ZC3H12C: variants seen among roughly 807,000 people sequenced by gnomAD.
The protein encoded by ZC3H12C is probable ribonuclease ZC3H12C.
Under a neutral mutation model 76.3 loss-of-function variants are expected in ZC3H12C, and 20 were observed. The observed-to-expected ratio is 0.26, with a 90% CI of 0.18 to 0.38. The LOEUF (loss-of-function observed/expected upper bound fraction) is 0.38, where lower values mean the gene tolerates loss of function less well. ZC3H12C is among the 10% of genes least tolerant of loss of function. The probability of loss-of-function intolerance (pLI) is 1.00; values close to 1 mark genes in which losing one functional copy is unlikely to be tolerated. For synonymous variants in ZC3H12C, 352 were observed against 399.6 expected, an observed-to-expected ratio of 0.88 and a Z score of 1.42; for missense variants, 874 against 1,086.5, an observed-to-expected ratio of 0.80 and a Z score of 2.75.
rs1380616907 is a variant in ZC3H12C, at chr11:110,165,244, G to A, written c.2159G>A (p.Ser720Asn). Reference protein sequence around the residue: ...LPHSAVGARSSCPGDYPSPPS... With the variant: ...LPHSAVGARSNCPGDYPSPPS... Reference sequence around the variant, plus strand: ...CACTCCGCTGTGGGCGCCCGGTCCAGCTGTCCTGGCGACTACCCCTCTCCT... The same window carrying A: ...CACTCCGCTGTGGGCGCCCGGTCCAACTGTCCTGGCGACTACCCCTCTCCT... Residue 720 changes from serine to asparagine, a missense_variant, in exon 6 of 6, where the codon AGC (serine) becomes AAC (asparagine). Coordinates refer to ENST00000278590, the MANE Select transcript of ZC3H12C (RefSeq NM_033390.2). The A allele has an allele frequency of 6.2e-7, 1 of 1,614,000 alleles. No individual in the cohort carries two copies. Among genetic ancestry groups the A allele is most frequent in the Admixed American group, 1.7e-5 (1 of 60,032 alleles).
At chr11:110,135,916 C>A (rs1355330464) in intron 1 of ZC3H12C, 1 of 152,094 alleles carries the variant, frequency 6.6e-6, no homozygotes, top group Non-Finnish European at 1.5e-5. Context: ...GTTTCCCTGG[C>A]ACTTAATAAG....
intron 3 of ZC3H12C, among the ~76,000 whole-genome samples, chr11:110,156,184 C>G (rs937551975): frequency 2.0e-5 from 2 of 102,562 alleles, no homozygotes; most frequent in African/African-American, 6.5e-5. Context: ...TATTATAACC[C>G]CAGGGTAATA....
intron 1 of ZC3H12C, among the ~76,000 whole-genome samples, chr11:110,100,701 A>G: frequency 6.6e-6 from 1 of 152,184 alleles, no homozygotes; most frequent in East Asian, 1.9e-4. Flanking sequence ...TAAACAATCA[A>G]GCAGTGTTGT....
chr11:110,104,131 C>T (rs1565247333), intron 1 of ZC3H12C, among the ~76,000 whole-genome samples: 1 of 151,790 alleles, frequency 6.6e-6, no homozygotes, highest in Non-Finnish European at 1.5e-5. Flanking sequence ...CCTCCCGGGG[C>T]AGATGTTCCC....
chr11:110,105,341 C>CA (rs926387991), intron 1 of ZC3H12C, among the ~76,000 whole-genome samples: 2 of 151,760 alleles, frequency 1.3e-5, no homozygotes, highest in African/African-American at 4.8e-5. Flanking sequence ...ATTAAATGAG[C>CA]AAAAAATGTC....
intron 1 of ZC3H12C, among the ~76,000 whole-genome samples, chr11:110,134,105 C>T (rs1453895034): frequency 6.6e-6 from 1 of 152,170 alleles, no homozygotes; most frequent in Non-Finnish European, 1.5e-5. Flanking sequence ...AATTATCTCA[C>T]AACAGCACTT....
chr11:110,130,796 C>G (rs1296047963), intron 1 of ZC3H12C, among the ~76,000 whole-genome samples: 1 of 152,190 alleles, frequency 6.6e-6, no homozygotes, highest in Non-Finnish European at 1.5e-5. Flanking sequence ...CTGCACACCC[C>G]TCGTTAATAC....
chr11:110,152,983 A>G lies in ZC3H12C; in HGVS notation c.838A>G (p.Arg280Gly). Reference protein sequence around the residue: ...IKLAVDWFLERGHKDITVFVP... With the variant: ...IKLAVDWFLEGGHKDITVFVP... The stretch of plus-strand genomic sequence containing the variant: ...ATTGGCAGTGGATTGGTTTTTGGAA[A>G]GAGGCCACAAAGACATTACAGTTTT... Residue 280 changes from arginine to glycine, a missense_variant, in exon 3 of 6, where the codon AGA becomes GGA. Physicochemically the swap from Arg to Gly is moderately radical, Grantham distance 125. Around this residue, in one of 3 missense-constraint regions of ZC3H12C, gnomAD observed 269 missense variants for 424.9 expected, o/e 0.63. Coordinates refer to ENST00000278590, the MANE Select transcript of ZC3H12C (RefSeq NM_033390.2). The G allele has an allele frequency of 6.2e-7, 1 of 1,612,230 alleles. No individual in the cohort carries two copies. The highest frequency in any genetic ancestry group is 8.5e-7 in the Non-Finnish European group (1 of 1,179,116).
intron 1 of ZC3H12C, among the ~76,000 whole-genome samples, chr11:110,127,343 A>G (rs1456903932): frequency 2.0e-5 from 3 of 152,200 alleles, no homozygotes; most frequent in East Asian, 1.9e-4. Context: ...GCTTTCTACA[A>G]GAGAGCTCAT....
At chr11:110,117,637 G>GATATAT (rs528250347) in intron 1 of ZC3H12C, among the ~76,000 whole-genome samples, 1 of 141,560 alleles carries the variant, frequency 7.1e-6, no homozygotes, top group African/African-American at 2.7e-5. Flanking sequence ...TCCCACATGA[G>GATATAT]ATATATATAT....
At chr11:110,120,329 A>G (rs1272392856) in intron 1 of ZC3H12C, among the ~76,000 whole-genome samples, 2 of 152,150 alleles carry the variant, frequency 1.3e-5, no homozygotes, top group Non-Finnish European at 2.9e-5. Flanking sequence ...AGCACTCTAA[A>G]TTACACCTAA....
chr11:110,136,894 G>A lies in ZC3H12C; in HGVS notation c.253G>A (p.Ala85Thr), dbSNP rs749947569. 12 of 1,613,662 alleles carry A rather than the reference G, an allele frequency of 7.4e-6. No individual in the cohort carries two copies. Among genetic ancestry groups the A allele is most frequent in the African/African-American group, 2.7e-5 (2 of 74,942 alleles). The change falls in exon 2 of 6, where the codon GCA becomes ACA. Residue 85 changes from alanine to threonine, a missense_variant. By Grantham distance (58) the Ala-to-Thr change is moderately conservative (BLOSUM62 0). This residue lies in a region of ZC3H12C where 210 missense variants were observed against 227.1 expected (regional missense o/e 0.92). Coordinates refer to ENST00000278590, the MANE Select transcript of ZC3H12C (RefSeq NM_033390.2). ...KDEKEASEENASSGDSEENTN... is the reference protein window; with the variant it reads ...KDEKEASEENTSSGDSEENTN... ...TGAAAAAGAGGCGTCTGAAGAGAAT[G>A]CAAGCTCTGGTGACTCTGAAGAAAA...
chr11:110,116,482 G>A (rs1422954016), intron 1 of ZC3H12C, among the ~76,000 whole-genome samples: 1 of 152,128 alleles, frequency 6.6e-6, no homozygotes, highest in Non-Finnish European at 1.5e-5. Flanking sequence ...TAACTCTAAT[G>A]CATTTGATTT....
chr11:110,111,409 CTTTT>C (rs980073193), intron 1 of ZC3H12C, among the ~76,000 whole-genome samples: 6 of 109,110 alleles, frequency 5.5e-5, no homozygotes, highest in Non-Finnish European at 9.6e-5. Flanking sequence ...TCTTACTCAA[CTTTT>C]TTTGTTATCT....
At chr11:110,136,524 A>G in intron 1 of ZC3H12C, 139 bp from the exon 2 acceptor site, 3 of 883,482 alleles carry the variant, frequency 3.4e-6, no homozygotes, top group Non-Finnish European at 3.3e-6. Context: ...TCTCTTGGCA[A>G]GGGTGTTAGG....
intron 1 of ZC3H12C, among the ~76,000 whole-genome samples, chr11:110,111,537 T>C (rs561659230): frequency 9.5e-6 from 1 of 105,760 alleles, no homozygotes; most frequent in East Asian, 2.8e-4. Context: ...GCTTCCCCAG[T>C]AGCTTTTTTT....
rs1177260503 is a variant in ZC3H12C, at chr11:110,165,384, C to T, written c.2299C>T (p.Pro767Ser). Reference sequence around the variant, plus strand: ...CAGTTCTCCTTCACGACAAAGAAAGCCTTATTCCCGCCAGGAAGGCCTGGG... The same window carrying T: ...CAGTTCTCCTTCACGACAAAGAAAGTCTTATTCCCGCCAGGAAGGCCTGGG... ...YDSSPSRQRK[P>S]YSRQEGLGSW... The change falls in exon 6 of 6, where the codon CCT becomes TCT. Residue 767 changes from proline (P) to serine (S), a missense_variant. This residue lies in a region of ZC3H12C where 395 missense variants were observed against 434.4 expected (regional missense o/e 0.91). Transcript: ENST00000278590. 6.2e-7 allele frequency: 1 copy of T among 1,614,022 alleles called. No homozygotes were observed. Among genetic ancestry groups the T allele is most frequent in the Admixed American group, 1.7e-5 (1 of 60,022 alleles).
intron 3 of ZC3H12C, among the ~76,000 whole-genome samples, chr11:110,158,294 G>A (rs1271612626): frequency 6.6e-6 from 1 of 152,162 alleles, no homozygotes; most frequent in African/African-American, 2.4e-5. Context: ...TGGATCACCT[G>A]AGGTCAGGAG....
At chr11:110,135,215 C>T (rs908202556) in intron 1 of ZC3H12C, among the ~76,000 whole-genome samples, 4 of 152,034 alleles carry the variant, frequency 2.6e-5, no homozygotes, top group African/African-American at 4.8e-5. Context: ...TGAGGCCAGG[C>T]GTGGTGGCTC....
Sources: gnomAD v4.1 joint callset for allele counts (sites outside exome capture counted in the v4.1 genomes callset) on GRCh38, gnomAD v4.1.1 for gene constraint, gnomAD v4.1.1 regional missense constraint, MANE v1.5 for transcripts, NCBI Gene and HGNC (gene_info 2026-07-23, HGNC 2026-07-21) for gene names.